EIPR1: variants seen among roughly 807,000 people sequenced by gnomAD.
EIPR1 encodes the protein EARP and GARP complex-interacting protein 1.
A neutral mutation model predicts 48.1 loss-of-function variants in EIPR1; 25 were observed. That is an observed-to-expected ratio of 0.52 (90% CI 0.38 to 0.73). The LOEUF (loss-of-function observed/expected upper bound fraction) is 0.73. EIPR1 is among the 30% of genes least tolerant of loss of function. The pLI, the probability that EIPR1 is intolerant of heterozygous loss-of-function variation, is 0.00. For synonymous variants in EIPR1, 204 were observed against 201.9 expected, an observed-to-expected ratio of 1.01 and a Z score of -0.09; for missense variants, 415 against 506.2, an observed-to-expected ratio of 0.82 and a Z score of 1.73.
chr2:3,284,845 T>C (rs940726731), intron 3 of EIPR1, among the ~76,000 whole-genome samples: 1 of 151,870 alleles, frequency 6.6e-6, no homozygotes, highest in Non-Finnish European at 1.5e-5. Flanking sequence ...GAAGAGAAGG[T>C]GGCTGCGAGA....
At chr2:3,225,920 G>A (rs1204260273) in intron 4 of EIPR1, among the ~76,000 whole-genome samples, 1 of 152,186 alleles carries the variant, frequency 6.6e-6, no homozygotes, top group Non-Finnish European at 1.5e-5. Flanking sequence ...ATTTTACTTA[G>A]CATAATGTCC....
At chr2:3,246,758 A>T (rs1224665298) in intron 4 of EIPR1, among the ~76,000 whole-genome samples, 2 of 136,320 alleles carry the variant, frequency 1.5e-5, no homozygotes, top group African/African-American at 5.4e-5. Flanking sequence ...AGAGGAAGAG[A>T]GGGAGGAAGG....
rs552036627 is a variant in EIPR1, at chr2:3,286,269, G to C, written c.260-28814C>G. Among the ~76,000 whole-genome samples the C allele has an allele frequency of 2.6e-5, 4 of 152,360 alleles. No individual in the cohort carries two copies. In the East Asian group the frequency reaches 7.7e-4, roughly 29 times the overall value. On this transcript the variant is annotated intron_variant, in intron 3 of 8. Transcript: ENST00000382125. This position sits in a 1 kb window ranked among gnomAD's most constrained non-coding sequence, Gnocchi z 4.2. The stretch of plus-strand genomic sequence containing the variant: ...TTGGCCTCATTTACAAACCCAGGGT[G>C]ATTCGACAACTGCCGTCACCGTGCC...
chr2:3,330,102 G>A (rs1042559327), intron 3 of EIPR1, among the ~76,000 whole-genome samples: 6 of 152,184 alleles, frequency 3.9e-5, no homozygotes, highest in Admixed American at 6.5e-5. Flanking sequence ...GGTTCCCCTC[G>A]GCGAATTCCT....
At chr2:3,277,342 G>A (rs1444695701) in intron 3 of EIPR1, among the ~76,000 whole-genome samples, 1 of 152,124 alleles carries the variant, frequency 6.6e-6, no homozygotes, top group Admixed American at 6.5e-5. Context: ...AACTACAACT[G>A]GAAACGGTAG....
intron 3 of EIPR1, among the ~76,000 whole-genome samples, chr2:3,258,632 A>G (rs1003344004): frequency 6.6e-6 from 1 of 152,202 alleles, no homozygotes; most frequent in African/African-American, 2.4e-5. Context: ...AATATCAACT[A>G]ATCGACCAAG....
At chr2:3,269,856 C>A (rs900228624) in intron 3 of EIPR1, among the ~76,000 whole-genome samples, 1 of 152,242 alleles carries the variant, frequency 6.6e-6, no homozygotes, top group Non-Finnish European at 1.5e-5. Flanking sequence ...CTTGGCGCAG[C>A]TGCATTGCCT....
chr2:3,363,458 G>A (rs746434106), intron 1 of EIPR1, among the ~76,000 whole-genome samples: 130 of 152,302 alleles, frequency 8.5e-4, no homozygotes, highest in Admixed American at 1.4e-3. Flanking sequence ...TACTGACGGA[G>A]GCCAAGGTGG....
Position 3,289,524 on chromosome 2 carries a change from G to A in EIPR1, c.260-32069C>T, listed in dbSNP as rs572414167. Among the ~76,000 whole-genome samples the A allele has an allele frequency of 2.6e-5, 4 of 152,048 alleles. No homozygotes were observed. In the East Asian group the frequency reaches 5.8e-4, roughly 22 times the overall value. ...CTCTGCACCAGCCTCCTGGCCTTCC[G>A]CTTCTGTGCTGGTTCCCTCGGTCTC... On this transcript the variant is annotated intron_variant, in intron 3 of 8. Transcript: ENST00000382125.
chr2:3,216,492 C>A (rs1349460036), intron 4 of EIPR1, among the ~76,000 whole-genome samples: 1 of 112,546 alleles, frequency 8.9e-6, no homozygotes, highest in Non-Finnish European at 1.9e-5. Flanking sequence ...AGATTCCCTT[C>A]GCAACTAACT....
intron 6 of EIPR1, among the ~76,000 whole-genome samples, chr2:3,194,703 G>C (rs1176675566): frequency 6.6e-6 from 1 of 151,742 alleles, no homozygotes; most frequent in African/African-American, 2.4e-5. Flanking sequence ...GAAAGGGGGG[G>C]GCAGTGGGGA....
chr2:3,285,106 C>T (rs1302885390), intron 3 of EIPR1, among the ~76,000 whole-genome samples: 10 of 152,208 alleles, frequency 6.6e-5, no homozygotes, highest in South Asian at 2.1e-4. Flanking sequence ...TGGCTGCTCA[C>T]TCCATCTCAG....
At chr2:3,267,668 C>T (rs558026598) in intron 3 of EIPR1, among the ~76,000 whole-genome samples, 5 of 152,380 alleles carry the variant, frequency 3.3e-5, no homozygotes, top group South Asian at 2.1e-4. Flanking sequence ...TGCCTGTTCA[C>T]GTCCTGCTGC....
chr2:3,207,650 CCT>C (rs1665284234), intron 5 of EIPR1, among the ~76,000 whole-genome samples: 1 of 152,202 alleles, frequency 6.6e-6, no homozygotes, highest in Admixed American at 6.5e-5. Flanking sequence ...GTGAGCAGCT[CCT>C]CTTTCTTAAA....
At chr2:3,219,635 C>T (rs1326130967) in intron 4 of EIPR1, among the ~76,000 whole-genome samples, 2 of 148,854 alleles carry the variant, frequency 1.3e-5, no homozygotes, top group South Asian at 2.2e-4. Context: ...CAGGTGCACA[C>T]TCAACATGAC....
intron 3 of EIPR1, among the ~76,000 whole-genome samples, chr2:3,261,558 T>C (rs886294054): frequency 6.6e-6 from 1 of 152,184 alleles, no homozygotes; most frequent in South Asian, 2.1e-4. Context: ...CTGAATGCCA[T>C]TCCCTGGGCA....
intron 3 of EIPR1, among the ~76,000 whole-genome samples, chr2:3,326,642 G>A (rs1669707247): frequency 6.6e-6 from 1 of 152,144 alleles, no homozygotes; most frequent in Non-Finnish European, 1.5e-5. Flanking sequence ...GAGAAAGGGG[G>A]AAGAACCCAT....
At chr2:3,214,487 G>A in intron 4 of EIPR1, 1 of 407,844 alleles carries the variant, frequency 2.5e-6, no homozygotes, top group Non-Finnish European at 4.5e-6. Flanking sequence ...CCCCCCACCT[G>A]GTGTGATGCT....
chr2:3,267,994 C>T (rs867440708), intron 3 of EIPR1, among the ~76,000 whole-genome samples: 26 of 152,228 alleles, frequency 1.7e-4, no homozygotes, highest in African/African-American at 5.8e-4. Context: ...GGTGAGCCCC[C>T]GTTCTCAGCC....
Sources: gnomAD v4.1 joint callset for allele counts (sites outside exome capture counted in the v4.1 genomes callset) on GRCh38, gnomAD v4.1.1 for gene constraint, Gnocchi (gnomAD v3.1) non-coding constraint, MANE v1.5 for transcripts, NCBI Gene and HGNC (gene_info 2026-07-23, HGNC 2026-07-21) for gene names.